Variants in TMCO4 observed in about 807,000 individuals in gnomAD.
The protein encoded by TMCO4 is transmembrane and coiled-coil domains 4.
In TMCO4, 58 loss-of-function variants were observed where a neutral mutation model predicts 64.7. The observed-to-expected ratio is 0.90, with a 90% CI of 0.73 to 1.12. The LOEUF is 1.12. TMCO4 is among the 50% of genes most tolerant of loss of function. TMCO4 has a pLI of 0.00. For synonymous variants in TMCO4, 325 were observed against 346.1 expected, an observed-to-expected ratio of 0.94 and a Z score of 0.68; for missense variants, 780 against 825.9, an observed-to-expected ratio of 0.94 and a Z score of 0.68.
chr1:19,784,750 G>T (rs1013142895), intron 3 of TMCO4, among the ~76,000 whole-genome samples: 9 of 142,328 alleles, frequency 6.3e-5, no homozygotes. Context: ...CCTAAGAGGG[G>T]TGTCCAATCT....
intron 4 of TMCO4, among the ~76,000 whole-genome samples, chr1:19,776,900 G>A (rs995505386): frequency 6.6e-5 from 10 of 151,804 alleles, no homozygotes; most frequent in African/African-American, 2.2e-4. Flanking sequence ...GGTGGCGTGC[G>A]CCTGTAATCC....
intron 14 of TMCO4, among the ~76,000 whole-genome samples, chr1:19,696,253 C>T (rs546064814): frequency 6.6e-6 from 1 of 152,272 alleles, no homozygotes; most frequent in South Asian, 2.1e-4. Context: ...GAAGCACTGT[C>T]TAAGAATGGA....
intron 6 of TMCO4, among the ~76,000 whole-genome samples, chr1:19,756,637 A>G (rs10917533): frequency 0.27 from 41,605 of 152,116 alleles, 6,157 homozygotes; most frequent in East Asian, 0.39. Flanking sequence ...ATAAAAAGTG[A>G]TTCCTAAGAA....
chr1:19,735,496 G>T (rs1389592215), intron 13 of TMCO4, among the ~76,000 whole-genome samples: 1 of 152,132 alleles, frequency 6.6e-6, no homozygotes, highest in East Asian at 1.9e-4. Context: ...GCTGCTTTGG[G>T]AACCATCCCC....
At chr1:19,769,042 C>A (rs534327796) in intron 6 of TMCO4, among the ~76,000 whole-genome samples, 1 of 152,226 alleles carries the variant, frequency 6.6e-6, no homozygotes, top group African/African-American at 2.4e-5. Flanking sequence ...TGGCCAAGCA[C>A]GCATGAGAAA....
intron 8 of TMCO4, 49 bp downstream of exon 8, chr1:19,747,112 TTC>T: frequency 6.3e-7 from 1 of 1,582,378 alleles, no homozygotes; most frequent in Non-Finnish European, 8.7e-7. Context: ...CTGGCATCAT[TTC>T]TCTGTCTACA....
intron 3 of TMCO4, among the ~76,000 whole-genome samples, chr1:19,783,246 A>G (rs889402399): frequency 6.6e-6 from 1 of 152,232 alleles, no homozygotes; most frequent in African/African-American, 2.4e-5. Flanking sequence ...GCAAATTAGG[A>G]AACAGGCTCA....
chr1:19,682,641 G>A lies in TMCO4; in HGVS notation c.*399C>T. On this transcript the variant is annotated 3_prime_UTR_variant, in exon 16 of 16. Coordinates refer to ENST00000294543, the MANE Select transcript of TMCO4 (RefSeq NM_181719.7). ...CATGCACCTGGTTTTATTGAGGCCA[G>A]GGGAGAGCTGGTGTGGGAGCCTCAG... 2.8e-6 allele frequency: 2 copies of A among 717,618 alleles called. 1 individual carries two copies. Among genetic ancestry groups the A allele is most frequent in the East Asian group, 5.3e-5 (2 of 37,386 alleles). The allele number at this position is 717,618 out of a possible 1,614,324, so 44.5% of individuals were successfully genotyped here. A position where few individuals can be genotyped will look rare whatever the true frequency, so the allele number is the denominator to read the frequency against.
intron 13 of TMCO4, among the ~76,000 whole-genome samples, chr1:19,708,100 C>T (rs1344107168): frequency 6.6e-6 from 1 of 152,102 alleles, no homozygotes; most frequent in African/African-American, 2.4e-5. Context: ...TAAGGGTAAA[C>T]AATTCTACTC....
chr1:19,684,323 G>T (rs952583375), intron 15 of TMCO4, among the ~76,000 whole-genome samples: 1 of 151,524 alleles, frequency 6.6e-6, no homozygotes, highest in Admixed American at 6.6e-5. Flanking sequence ...TAGAGATGGG[G>T]TCTCCTATGT....
In TMCO4 at chr1:19,682,709, C is replaced by T; in HGVS notation, c.*331G>A. On this transcript the variant is annotated 3_prime_UTR_variant, in exon 16 of 16. Transcript: ENST00000294543. ...GGACCTCCTGATGGACAGCCAGACT[C>T]CAAAGCTATGAGAAGTACAGAAAGC... 1.4e-6 allele frequency: 1 copy of T among 717,686 alleles called. No individual in the cohort carries two copies. Among genetic ancestry groups the T allele is most frequent in the South Asian group, 1.5e-5 (1 of 67,612 alleles). The allele number at this position is 717,686 out of a possible 1,614,324, so 44.5% of individuals were successfully genotyped here. A position where few individuals can be genotyped will look rare whatever the true frequency, so the allele number is the denominator to read the frequency against.
intron 12 of TMCO4, among the ~76,000 whole-genome samples, chr1:19,739,192 C>T (rs937382757): frequency 7.2e-5 from 11 of 152,244 alleles, no homozygotes; most frequent in Non-Finnish European, 1.5e-4. Context: ...AAGCTTTTGT[C>T]TCCATTCACT....
rs966775589 is a variant in TMCO4, at chr1:19,743,888, G to A, written c.877+1644C>T. 6.6e-6 allele frequency among the ~76,000 whole-genome samples: 1 copy of A among 152,184 alleles called. No homozygotes were observed. The highest frequency in any genetic ancestry group is 1.5e-5 in the Non-Finnish European group (1 of 68,044). ...GAGGGTGGAAGTGAAGTTTCTAGGA[G>A]GTAACCATACCAAGTTCCTACTATG... On this transcript the variant is annotated intron_variant, in intron 10 of 15. Transcript: ENST00000294543. The surrounding 1 kb of genome is among the most constrained non-coding windows in gnomAD (Gnocchi z 4.1).
At position 19,682,412 on chromosome 1, in the gene TMCO4, G is replaced by A. The variant is rs777383161; in HGVS notation, c.*628C>T. ...GGTGTCCAGATGTTGCATGACGGGG[G>A]AGCACACTCACATTGTGTCTGTGTG... On this transcript the variant is annotated 3_prime_UTR_variant, in exon 16 of 16. Coordinates refer to ENST00000294543, the MANE Select transcript of TMCO4 (RefSeq NM_181719.7). 7.1e-6 allele frequency: 4 copies of A among 562,128 alleles called. No individual in the cohort carries two copies. In the African/African-American group the frequency reaches 7.5e-5, roughly 11 times the overall value. The allele number at this position is 562,128 out of a possible 1,614,324, so 34.8% of individuals were successfully genotyped here.
At chr1:19,753,457 T>G (rs544170178) in intron 7 of TMCO4, among the ~76,000 whole-genome samples, 5 of 152,160 alleles carry the variant, frequency 3.3e-5, no homozygotes, top group African/African-American at 1.2e-4. Context: ...ACTAAACAAG[T>G]GAGGGAAGCC....
At chr1:19,757,721 T>C (rs186221535) in intron 6 of TMCO4, among the ~76,000 whole-genome samples, 8 of 152,306 alleles carry the variant, frequency 5.3e-5, no homozygotes, top group Admixed American at 2.0e-4. Flanking sequence ...GTACTCATCA[T>C]ATCTTACTAG....
intron 13 of TMCO4, among the ~76,000 whole-genome samples, chr1:19,710,499 A>G (rs1402946868): frequency 3.3e-5 from 5 of 152,106 alleles, no homozygotes; most frequent in Non-Finnish European, 5.9e-5. Flanking sequence ...TGCTTCATAC[A>G]TCAATTAATT....
At chr1:19,766,891 C>T (rs1055781509) in intron 6 of TMCO4, among the ~76,000 whole-genome samples, 1 of 152,186 alleles carries the variant, frequency 6.6e-6, no homozygotes, top group East Asian at 1.9e-4. Flanking sequence ...AGAGGGTGGT[C>T]TAGGTGATTT....
chr1:19,776,080 G>A (rs2043191027), intron 4 of TMCO4, among the ~76,000 whole-genome samples: 1 of 152,072 alleles, frequency 6.6e-6, no homozygotes, highest in African/African-American at 2.4e-5. Context: ...GCTAATCTTT[G>A]TATTTTTAGT....
Sources: gnomAD v4.1 joint callset for allele counts (sites outside exome capture counted in the v4.1 genomes callset) on GRCh38, gnomAD v4.1.1 for gene constraint, Gnocchi (gnomAD v3.1) non-coding constraint, MANE v1.5 for transcripts, NCBI Gene and HGNC (gene_info 2026-07-23, HGNC 2026-07-21) for gene names.